TNFSF11: variants seen among roughly 807,000 people sequenced by gnomAD.
TNFSF11 encodes the protein tumor necrosis factor ligand superfamily member 11.
In TNFSF11, 12 loss-of-function variants were observed where a neutral mutation model predicts 32.2. The ratio of observed to expected loss-of-function variants is 0.37; its 90% confidence interval spans 0.24 to 0.60. The LOEUF (loss-of-function observed/expected upper bound fraction) is 0.60. TNFSF11 is among the 20% of genes least tolerant of loss of function. The pLI, the probability that TNFSF11 is intolerant of heterozygous loss-of-function variation, is 0.66. For synonymous variants in TNFSF11, 172 were observed against 152.1 expected (o/e 1.13, Z -0.96); for missense variants, 345 against 398.0 (o/e 0.87, Z 1.13).
At chr13:42,598,004 G>A (rs1359986457) in intron 2 of TNFSF11, among the ~76,000 whole-genome samples, 7 of 151,958 alleles carry the variant, frequency 4.6e-5, no homozygotes, top group African/African-American at 1.7e-4. Flanking sequence ...GCCACACCCA[G>A]CTAATTTTAA....
intron 2 of TNFSF11, among the ~76,000 whole-genome samples, chr13:42,596,727 A>G (rs1208905432): frequency 6.6e-6 from 1 of 152,278 alleles, no homozygotes; most frequent in Admixed American, 6.5e-5. Flanking sequence ...TACGTGGAAT[A>G]TATATGCAAG....
At chr13:42,590,566 A>T (rs1254296565) in intron 2 of TNFSF11, among the ~76,000 whole-genome samples, 1 of 152,216 alleles carries the variant, frequency 6.6e-6, no homozygotes, top group Non-Finnish European at 1.5e-5. Context: ...TCAATGTAGA[A>T]AGCACTGCCA....
rs775671795 is a variant in TNFSF11, at chr13:42,581,118, C to T, written c.220-8C>T. On this transcript the variant is annotated splice_region_variant and splice_polypyrimidine_tract_variant and intron_variant, in intron 1 of 4. Coordinates refer to ENST00000398795, the MANE Select transcript of TNFSF11 (RefSeq NM_003701.4). The stretch of plus-strand genomic sequence containing the variant: ...CACTCTAACGTCCTTACTGTTTCTC[C>T]TCCTCAGATGGATCCTAATAGAATA... 1.7e-5 allele frequency: 27 copies of T among 1,613,894 alleles called. No homozygotes were observed. Among genetic ancestry groups the T allele is most frequent in the Non-Finnish European group, 2.3e-5 (27 of 1,179,848 alleles).
chr13:42,606,653 AC>A lies in TNFSF11; in HGVS notation c.691del (p.Leu231Ter). On this transcript the variant is annotated frameshift_variant, in exon 5 of 5. Coordinates refer to ENST00000398795, the MANE Select transcript of TNFSF11 (RefSeq NM_003701.4). LOFTEE classifies it high-confidence loss of function. ...ICFRHHETSG[D>X]LATEYLQLMV... ...TTTCGACATCATGAAACTTCAGGAG[AC>A]CTAGCTACAGAGTATCTTCAACTAA... The A allele has an allele frequency of 6.2e-7, 1 of 1,614,232 alleles. No individual in the cohort carries two copies. Among genetic ancestry groups the A allele is most frequent in the Non-Finnish European group, 8.5e-7 (1 of 1,180,044 alleles).
Position 42,600,878 on chromosome 13 carries a change from TC to T in TNFSF11, c.434-3del, listed in dbSNP as rs2060249003. The T allele has an allele frequency of 1.2e-6, 2 of 1,614,034 alleles. No homozygotes were observed. Among genetic ancestry groups the T allele is most frequent in the Non-Finnish European group, 1.7e-6 (2 of 1,180,024 alleles). ...CTATAATAATATGGTTTCTCTCATC[TC>T]CAGCGATGGTGGATGGCTCATGGTT... On this transcript the variant is annotated splice_polypyrimidine_tract_variant and splice_region_variant and intron_variant, in intron 3 of 4. Transcript: ENST00000398795.
intron 2 of TNFSF11, among the ~76,000 whole-genome samples, chr13:42,588,507 G>A (rs530140319): frequency 6.6e-6 from 1 of 152,356 alleles, no homozygotes; most frequent in African/African-American, 2.4e-5. Context: ...TCCAGAAGTG[G>A]ATGAAACTGA....
chr13:42,590,976 T>C (rs2137886134), intron 2 of TNFSF11, among the ~76,000 whole-genome samples: 1 of 152,364 alleles, frequency 6.6e-6, no homozygotes, highest in African/African-American at 2.4e-5. Context: ...AACGAGTCTC[T>C]TCCAATTAGC....
intron 2 of TNFSF11, among the ~76,000 whole-genome samples, chr13:42,600,355 T>C (rs1177422095): frequency 2.6e-5 from 4 of 152,228 alleles, no homozygotes; most frequent in African/African-American, 9.6e-5. Context: ...GAAATAGACA[T>C]GAAAAGAGCC....
chr13:42,597,823 G>A (rs75701659), intron 2 of TNFSF11, among the ~76,000 whole-genome samples: 3,208 of 152,150 alleles, frequency 0.021, 116 homozygotes, highest in African/African-American at 0.073. Context: ...TAGGACAAAG[G>A]CACTTTTCTT....
Position 42,574,461 on chromosome 13 carries a change from TG to T in TNFSF11, c.162del (p.Leu55TrpfsTer37). ...TCCCGCTCCATGTTCGTGGCCCTCC[TG>T]GGGCTGGGGCTGGGCCAGGTTGTCT... is the stretch of plus-strand genomic sequence containing the variant. ...AASRSMFVAL[L>X]GLGLGQVVCS... is the part of the protein sequence containing the mutation. On this transcript the variant is annotated frameshift_variant, in exon 1 of 5. Coordinates refer to ENST00000398795, the MANE Select transcript of TNFSF11 (RefSeq NM_003701.4). LOFTEE classifies it high-confidence loss of function. 1 of 1,607,450 alleles carries T rather than the reference TG, an allele frequency of 6.2e-7. No individual in the cohort carries two copies.
Position 42,607,383 on chromosome 13 carries a change from A to G in TNFSF11, c.*465A>G, listed in dbSNP as rs1224743926. ...GAGGAGAGAAAATATATGTATTTTTATATAATATCTAAAGTTATATTTCAG... is the reference window on the plus strand; with the variant it reads ...GAGGAGAGAAAATATATGTATTTTTGTATAATATCTAAAGTTATATTTCAG... On this transcript the variant is annotated 3_prime_UTR_variant, in exon 5 of 5. Transcript: ENST00000398795. 6.5e-6 allele frequency: 1 copy of G among 154,440 alleles called. No homozygotes were observed. The highest frequency in any genetic ancestry group is 1.4e-5 in the Non-Finnish European group (1 of 69,240). The allele number at this position is 154,440 out of a possible 1,614,324, so 9.6% of individuals were successfully genotyped here. A position where few individuals can be genotyped will look rare whatever the true frequency, so the allele number is the denominator to read the frequency against.
chr13:42,571,074 G>T (rs1873048997), upstream of TNFSF11, among the ~76,000 whole-genome samples: 1 of 152,160 alleles, frequency 6.6e-6, no homozygotes, highest in South Asian at 2.1e-4. Flanking sequence ...GCATATAGTG[G>T]GTTCTCACTA....
At chr13:42,603,085 T>C (rs1053450573) in intron 4 of TNFSF11, among the ~76,000 whole-genome samples, 3 of 152,242 alleles carry the variant, frequency 2.0e-5, no homozygotes, top group African/African-American at 7.2e-5. Flanking sequence ...TACCCAGTTT[T>C]GGCCAGTACT....
chr13:42,592,869 C>T (rs543659753), intron 2 of TNFSF11, among the ~76,000 whole-genome samples: 2 of 152,260 alleles, frequency 1.3e-5, no homozygotes, highest in South Asian at 2.1e-4. Context: ...GCACTCACTC[C>T]GTCCTGCCAC....
chr13:42,565,685 G>A (rs1872844312), intron 1 of TNFSF11, among the ~76,000 whole-genome samples: 1 of 152,128 alleles, frequency 6.6e-6, no homozygotes, highest in Non-Finnish European at 1.5e-5. Context: ...AGACAGAGAT[G>A]GGAAAAAATT....
At chr13:42,573,037 G>C (rs1480868776), upstream of TNFSF11, among the ~76,000 whole-genome samples, 1 of 151,986 alleles carries the variant, frequency 6.6e-6, no homozygotes, top group African/African-American at 2.4e-5. Context: ...TTGTACACTT[G>C]AAATTATCTT....
At chr13:42,575,442 A>G (rs531421426) in intron 1 of TNFSF11, among the ~76,000 whole-genome samples, 1 of 150,952 alleles carries the variant, frequency 6.6e-6, no homozygotes, top group South Asian at 2.1e-4. Context: ...GGTGCTGTGA[A>G]CTCTTTCTCA....
At chr13:42,602,929 T>C (rs1869256118) in intron 4 of TNFSF11, among the ~76,000 whole-genome samples, 1 of 152,202 alleles carries the variant, frequency 6.6e-6, no homozygotes, top group Non-Finnish European at 1.5e-5. Context: ...CATCAAATCA[T>C]TGCCAAAAAC....
At chr13:42,570,821 C>T (rs1873038904), upstream of TNFSF11, among the ~76,000 whole-genome samples, 1 of 152,132 alleles carries the variant, frequency 6.6e-6, no homozygotes, top group Admixed American at 6.5e-5. Flanking sequence ...AAAGCATTAT[C>T]TTTGCCTAAG....
Sources: allele counts gnomAD v4.1 joint callset (sites outside exome capture counted in the v4.1 genomes callset), GRCh38; gene constraint gnomAD v4.1.1; transcripts MANE v1.5; gene names NCBI Gene and HGNC (gene_info 2026-07-23, HGNC 2026-07-21).